The following MELTF variants were observed in gnomAD, a reference collection of about 807,000 sequenced individuals.
MELTF encodes antigen p97 (melanoma associated) identified by monoclonal antibodies 133.2 and 96.5.
A neutral mutation model predicts 83.7 loss-of-function variants in MELTF; 67 were observed. The ratio of observed to expected loss-of-function variants is 0.80; its 90% CI spans 0.66 to 0.98. The LOEUF (loss-of-function observed/expected upper bound fraction) is 0.98, where lower values mean the gene tolerates loss of function less well. Among genes scored for constraint, MELTF ranks in the 50% least tolerant of loss-of-function variants. MELTF has a pLI of 0.00. For synonymous variants in MELTF, 462 were observed against 447.6 expected, an observed-to-expected ratio of 1.03 and a Z score of -0.41; for missense variants, 1,002 against 1,035.6, an observed-to-expected ratio of 0.97 and a Z score of 0.44.
chr3:197,021,523 A>C (rs766605267), intron 5 of MELTF, 52 bp from the exon 6 acceptor site: 11 of 1,559,776 alleles, frequency 7.1e-6, no homozygotes, highest in Non-Finnish European at 9.7e-6. Flanking sequence ...GCCCCTGCCC[A>C]TCTTCCACCT....
At position 197,011,167 on chromosome 3, in the gene MELTF, A is replaced by G. The variant is rs1719174767; in HGVS notation, c.1234-373T>C. ...GACAGCCGGGCACCGCCTCTCCAGC[A>G]CCTGGCCAAGGGCCAGCACAGCGTG... is the stretch of plus-strand genomic sequence containing the variant. On this transcript the variant is annotated intron_variant, in intron 9 of 15. Coordinates refer to ENST00000296350, the MANE Select transcript of MELTF (RefSeq NM_005929.6). This position sits in a 1 kb window ranked among gnomAD's most constrained non-coding sequence, Gnocchi z 4.2. Among the ~76,000 whole-genome samples, 1 of 152,210 alleles carries G rather than the reference A, an allele frequency of 6.6e-6. No homozygotes were observed. Among genetic ancestry groups the G allele is most frequent in the South Asian group, 2.1e-4 (1 of 4,836 alleles).
rs1041450419 is a variant in MELTF, at chr3:197,002,364, T to G, written c.*1008A>C. ...CCAGTTCTGGAAACTTTTTCTGGCT[T>G]CTCAGACAACTGTGGCAAGATGGAG... On this transcript the variant is annotated 3_prime_UTR_variant, in exon 16 of 16. Coordinates refer to ENST00000296350, the MANE Select transcript of MELTF (RefSeq NM_005929.6). The G allele has an allele frequency of 6.6e-6, 1 of 152,300 alleles. No homozygotes were observed. Among genetic ancestry groups the G allele is most frequent in the Non-Finnish European group, 1.5e-5 (1 of 68,086 alleles). The allele number at this position is 152,300 out of a possible 1,614,324, so 9.4% of individuals were successfully genotyped here.
At chr3:197,019,742 C>T in intron 6 of MELTF, 1 of 1,610,368 alleles carries the variant, frequency 6.2e-7, no homozygotes, top group Non-Finnish European at 8.5e-7. Context: ...TCCTCGTGTG[C>T]AGGGCACTCG....
rs1719663360 is a variant in MELTF, at chr3:197,022,541, TAG to T, written c.644+414_644+415del. Reference sequence around the variant, plus strand: ...CAGATGGAATTGGACCACGAGCTGTTAGAGTCTCCTGCATCCACGGAAGGGTT... The same window carrying T: ...CAGATGGAATTGGACCACGAGCTGTTAGTCTCCTGCATCCACGGAAGGGTT... On this transcript the variant is annotated intron_variant, in intron 5 of 15. Transcript: ENST00000296350. This position sits in a 1 kb window ranked among gnomAD's most constrained non-coding sequence, Gnocchi z 5.1. 1.3e-5 allele frequency among the ~76,000 whole-genome samples: 2 copies of T among 152,016 alleles called. No individual in the cohort carries two copies. The highest frequency in any genetic ancestry group is 2.1e-4 in the South Asian group (1 of 4,812).
chr3:197,016,104 C>A, intron 8 of MELTF, 85 bp downstream of exon 8: 3 of 1,257,924 alleles, frequency 2.4e-6, no homozygotes, highest in Non-Finnish European at 3.2e-6. Flanking sequence ...TGAGCGTCTT[C>A]CCCCGGCCAC....
Position 197,014,383 on chromosome 3 carries a change from GTTTTTTTTTTT to G in MELTF, c.1233+971_1233+981del, listed in dbSNP as rs71623319. ...GTAGGGGAAGGGAGGAATAGGGAGAGTTTTTTTTTTTTTTTTTTTTTTTGAGACAGTCTCTC... is the reference window on the plus strand; with the variant it reads ...GTAGGGGAAGGGAGGAATAGGGAGAGTTTTTTTTTTTTGAGACAGTCTCTC... On this transcript the variant is annotated intron_variant, in intron 9 of 15. Coordinates refer to ENST00000296350, the MANE Select transcript of MELTF (RefSeq NM_005929.6). Among the ~76,000 whole-genome samples, 19 of 101,052 alleles carry G rather than the reference GTTTTTTTTTTT, an allele frequency of 1.9e-4. No individual in the cohort carries two copies. The Admixed American group carries it at 2.0e-3, about 11-fold the overall frequency. 66.3% of individuals were successfully genotyped at this position (101,052 alleles called of 152,430 possible). A position where few individuals can be genotyped will look rare whatever the true frequency, so the allele number is the denominator to read the frequency against.
chr3:197,017,220 G>A lies in MELTF; in HGVS notation c.783C>T (p.Ser261=). The part of the protein sequence containing the change: ...QDFELLCRDG[S]RADVTEWRQC... The stretch of plus-strand genomic sequence containing the variant: ...GCCTCCACTCGGTGACATCGGCCCG[G>A]CTACCATCCCGGCACAGCAGCTCGA... Residue 261 remains serine (S), a synonymous_variant, in exon 7 of 16, where the codon AGC becomes AGT. Transcript: ENST00000296350. 3 of 1,597,232 alleles carry A rather than the reference G, an allele frequency of 1.9e-6. No individual in the cohort carries two copies. The highest frequency in any genetic ancestry group is 2.6e-6 in the Non-Finnish European group (3 of 1,173,416).
chr3:197,016,164 C>T, intron 8 of MELTF, 25 bp downstream of exon 8: 3 of 1,481,208 alleles, frequency 2.0e-6, no homozygotes, highest in African/African-American at 2.9e-5. Context: ...CTGGAGCTGG[C>T]AGCAGTGGGG....
Position 197,006,475 on chromosome 3 carries a change from A to C in MELTF, c.1938+74T>G. Reference sequence around the variant, plus strand: ...ATTTCTCTAGAGGTCTGCTCCAGGTAGACTGAGGCCTCCCAGGGGCTCAGC... The same window carrying C: ...ATTTCTCTAGAGGTCTGCTCCAGGTCGACTGAGGCCTCCCAGGGGCTCAGC... On this transcript the variant is annotated intron_variant, in intron 14 of 15. Transcript: ENST00000296350. The surrounding 1 kb of genome is among the most constrained non-coding windows in gnomAD (Gnocchi z 5.4). 7.2e-7 allele frequency: 1 copy of C among 1,384,486 alleles called. No individual in the cohort carries two copies. Among genetic ancestry groups the C allele is most frequent in the Non-Finnish European group, 9.8e-7 (1 of 1,019,270 alleles). The allele number at this position is 1,384,486 out of a possible 1,614,324, so 85.8% of individuals were successfully genotyped here.
intron 4 of MELTF, among the ~76,000 whole-genome samples, chr3:197,023,668 C>G (rs192006971): frequency 1.3e-5 from 2 of 152,082 alleles, no homozygotes; most frequent in African/African-American, 4.8e-5. Flanking sequence ...CTGAGCCAGT[C>G]GGGCCACGCT....
intron 8 of MELTF, 130 bp from the exon 9 acceptor site, chr3:197,015,646 G>A (rs141204655): frequency 2.1e-4 from 218 of 1,029,808 alleles, no homozygotes; most frequent in African/African-American, 1.4e-3. Context: ...TTTAACCATC[G>A]GATCCCACTT....
In MELTF at chr3:197,003,381, G is replaced by GGGCGGGAGCA. The variant is rs1218249801; in HGVS notation, c.2198_2207dup (p.Leu738ProfsTer270). Reference sequence around the variant, plus strand: ...GGCGGGGCGGCCGGGCTCAGAGGGCGGGCGGGAGCAGGCGGGCGGCGAGGG... The same window carrying GGGCGGGAGCA: ...GGCGGGGCGGCCGGGCTCAGAGGGCGGGCGGGAGCAGGCGGGAGCAGGCGGGCGGCGAGGG... On this transcript the variant is annotated frameshift_variant, in exon 16 of 16. Transcript: ENST00000296350. LOFTEE classifies it high-confidence loss of function. This position sits in a 1 kb window ranked among gnomAD's most constrained non-coding sequence, Gnocchi z 6.2. 9.2e-7 allele frequency: 1 copy of GGGCGGGAGCA among 1,081,298 alleles called. No homozygotes were observed. 67.0% of individuals were successfully genotyped at this position (1,081,298 alleles called of 1,614,324 possible). A position where few individuals can be genotyped will look rare whatever the true frequency, so the allele number is the denominator to read the frequency against.
intron 9 of MELTF, among the ~76,000 whole-genome samples, chr3:197,013,215 A>AG (rs760142798): frequency 2.6e-5 from 4 of 152,244 alleles, no homozygotes; most frequent in Admixed American, 2.6e-4. Context: ...ATTAACCCGC[A>AG]GTTTTACAGC....
rs1014766210 is a variant in MELTF, at chr3:197,006,111, C to T, written c.1938+438G>A. On this transcript the variant is annotated intron_variant, in intron 14 of 15. Coordinates refer to ENST00000296350, the MANE Select transcript of MELTF (RefSeq NM_005929.6). This position sits in a 1 kb window ranked among gnomAD's most constrained non-coding sequence, Gnocchi z 5.4. ...TGGCGGGTGCCTGTAGTCCCAGCTA[C>T]TCAGGAGGCTGAGGTGGGAGAATGG... is the stretch of plus-strand genomic sequence containing the variant. Among the ~76,000 whole-genome samples, 2 of 152,060 alleles carry T rather than the reference C, an allele frequency of 1.3e-5. No homozygotes were observed. Among genetic ancestry groups the T allele is most frequent in the African/African-American group, 2.4e-5 (1 of 41,390 alleles).
intron 6 of MELTF, chr3:197,019,040 G>A (rs1719515418): frequency 1.0e-6 from 1 of 985,370 alleles, no homozygotes; most frequent in East Asian, 1.1e-4. Flanking sequence ...AATTTGTATG[G>A]TCATGAAAGC....
intron 6 of MELTF, chr3:197,019,087 C>A (rs1434132684): frequency 6.1e-6 from 6 of 985,414 alleles, no homozygotes; most frequent in African/African-American, 1.7e-5. Context: ...AAACCAAACA[C>A]CCGCACCAGA....
intron 14 of MELTF, among the ~76,000 whole-genome samples, chr3:197,004,902 C>T (rs927806239): frequency 2.6e-5 from 4 of 152,170 alleles, no homozygotes; most frequent in African/African-American, 7.2e-5. Flanking sequence ...GGATTCTTCT[C>T]CCACATTACT....
chr3:197,010,166 G>A (rs1719137193), intron 10 of MELTF, among the ~76,000 whole-genome samples: 1 of 152,230 alleles, frequency 6.6e-6, no homozygotes, highest in Non-Finnish European at 1.5e-5. Context: ...TTTTCCTACA[G>A]CCCAGAGATT....
rs990684569 is a variant in MELTF at position 197,022,204 on chromosome 3, A to G, written c.645-733T>C. Reference sequence around the variant, plus strand: ...GGGCAAAGGGTCTGCTTGGGTCCCCACGGGCAGAAAATGCACAGGGATTAG... The same window carrying G: ...GGGCAAAGGGTCTGCTTGGGTCCCCGCGGGCAGAAAATGCACAGGGATTAG... On this transcript the variant is annotated intron_variant, in intron 5 of 15. Transcript: ENST00000296350. The surrounding 1 kb of genome is among the most constrained non-coding windows in gnomAD (Gnocchi z 5.1). Among the ~76,000 whole-genome samples, 9 of 152,104 alleles carry G rather than the reference A, an allele frequency of 5.9e-5. No individual in the cohort carries two copies. Among genetic ancestry groups the G allele is most frequent in the Non-Finnish European group, 1.2e-4 (8 of 68,032 alleles).
Sources: allele counts gnomAD v4.1 joint callset (sites outside exome capture counted in the v4.1 genomes callset), GRCh38; gene constraint gnomAD v4.1.1; non-coding constraint Gnocchi (gnomAD v3.1); transcripts MANE v1.5; gene names NCBI Gene and HGNC (gene_info 2026-07-23, HGNC 2026-07-21).